ACTN4: variants seen among roughly 807,000 people sequenced by gnomAD.
The protein encoded by ACTN4 is alpha-actinin-4.
Under a neutral mutation model 114.2 loss-of-function variants are expected in ACTN4, and 18 were observed. That is an observed-to-expected ratio of 0.16 (90% CI 0.11 to 0.23). The LOEUF (loss-of-function observed/expected upper bound fraction) is 0.23. Among genes scored for constraint, ACTN4 ranks in the 10% least tolerant of loss-of-function variants. The probability of loss-of-function intolerance (pLI) is 1.00; values close to 1 mark genes in which losing one functional copy is unlikely to be tolerated. For synonymous variants in ACTN4, 515 were observed against 506.3 expected (o/e 1.02, Z -0.23); for missense variants, 722 against 1,262.9 (o/e 0.57, Z 6.49).
rs1428272245 is a variant in ACTN4 at position 38,651,970 on chromosome 19, G to A, written c.162+4063G>A. Among the ~76,000 whole-genome samples, 6 of 152,162 alleles carry A rather than the reference G, an allele frequency of 3.9e-5. No individual in the cohort carries two copies. The South Asian group carries it at 1.2e-3, about 32-fold the overall frequency. On this transcript the variant is annotated intron_variant, in intron 1 of 20. Coordinates refer to ENST00000252699, the MANE Select transcript of ACTN4 (RefSeq NM_004924.6). ...GCTGGTCTGAAACTCCTGACCCCAA[G>A]TGATCCGCCTGCCTCGGCCTCCCAA...
At chr19:38,673,663 AT>A (rs1218577475) in intron 1 of ACTN4, among the ~76,000 whole-genome samples, 1 of 14,882 alleles carries the variant, frequency 6.7e-5, no homozygotes, top group Non-Finnish European at 2.3e-4. Context: ...ATTTATATAT[AT>A]TATATATATT....
chr19:38,664,464 T>A (rs1966896317), intron 1 of ACTN4, among the ~76,000 whole-genome samples: 1 of 152,064 alleles, frequency 6.6e-6, no homozygotes, highest in African/African-American at 2.4e-5. Context: ...TTCTCCCCAC[T>A]TCAGATAACA....
chr19:38,711,377 C>T, intron 8 of ACTN4: 1 of 1,015,286 alleles, frequency 9.8e-7, no homozygotes. Context: ...CTGGGCCAGG[C>T]ACACCTCGCT....
intron 1 of ACTN4, among the ~76,000 whole-genome samples, chr19:38,652,128 GCTTGCCT>G (rs1398540782): frequency 6.6e-6 from 1 of 151,944 alleles, no homozygotes; most frequent in African/African-American, 2.4e-5. Context: ...TACTCTAATT[GCTTGCCT>G]CTTAGGATCT....
At chr19:38,720,745 C>G (rs1599851591) in intron 11 of ACTN4, among the ~76,000 whole-genome samples, 2 of 152,370 alleles carry the variant, frequency 1.3e-5, no homozygotes, top group African/African-American at 4.8e-5. Context: ...GGTGGCTGCA[C>G]TGGGCGGGCA....
At position 38,721,574 on chromosome 19, in the gene ACTN4, C is replaced by T. The variant is rs753850428; in HGVS notation, c.1328C>T (p.Thr443Met). Reference protein sequence around the residue: ...EAMLKHRDYETATLSDIKALI... With the variant: ...EAMLKHRDYEMATLSDIKALI... ...ATGCTGAAGCACCGGGACTACGAGA[C>T]GGCCACACTATCGGACATCAAAGCC... is the stretch of plus-strand genomic sequence containing the variant. Residue 443 changes from threonine to methionine, a missense_variant, in exon 12 of 21, where the codon ACG (threonine) becomes ATG (methionine). Thr to Met is a moderately conservative substitution (Grantham distance 81). Around this residue, in one of 3 missense-constraint regions of ACTN4, gnomAD observed 523 missense variants for 875.9 expected, o/e 0.60. Transcript: ENST00000252699. 1.2e-5 allele frequency: 19 copies of T among 1,613,968 alleles called. No individual in the cohort carries two copies. Among genetic ancestry groups the T allele is most frequent in the African/African-American group, 4.0e-5 (3 of 74,944 alleles).
chr19:38,725,305 G>C (rs1268588453), intron 16 of ACTN4, among the ~76,000 whole-genome samples: 2 of 152,154 alleles, frequency 1.3e-5, no homozygotes, highest in Non-Finnish European at 2.9e-5. Context: ...GGACTTGTGG[G>C]TGCCGAGACA....
At chr19:38,655,831 A>G (rs945440624) in intron 1 of ACTN4, among the ~76,000 whole-genome samples, 6 of 152,218 alleles carry the variant, frequency 3.9e-5, no homozygotes, top group Non-Finnish European at 8.8e-5. Flanking sequence ...CATTTTAACT[A>G]TGCACATCCT....
chr19:38,682,996 G>T (rs1039476501), intron 1 of ACTN4, among the ~76,000 whole-genome samples: 2 of 152,178 alleles, frequency 1.3e-5, no homozygotes, highest in Non-Finnish European at 2.9e-5. Flanking sequence ...TCTTCCACTA[G>T]ACTGTAAGTT....
rs149882768 is a variant in ACTN4, at chr19:38,651,876, C to T, written c.162+3969C>T. On this transcript the variant is annotated intron_variant, in intron 1 of 20. Coordinates refer to ENST00000252699, the MANE Select transcript of ACTN4 (RefSeq NM_004924.6). ...CCTCCTGAGTAGCTGGGACTACAGG[C>T]GTGTGCTACCGTGCCTGGCTAATTT... Among the ~76,000 whole-genome samples the T allele has an allele frequency of 2.1e-3, 314 of 152,110 alleles. 1 individual carries two copies. Among genetic ancestry groups the T allele is most frequent in the African/African-American group, 7.3e-3 (302 of 41,500 alleles).
At chr19:38,708,011 G>C in intron 5 of ACTN4, 106 bp from the exon 6 acceptor site, 1 of 1,169,424 alleles carries the variant, frequency 8.6e-7, no homozygotes. Flanking sequence ...GCACAGGCCA[G>C]ACTGCAGTGA....
intron 8 of ACTN4, among the ~76,000 whole-genome samples, chr19:38,713,552 C>T (rs1417860247): frequency 6.6e-6 from 1 of 152,216 alleles, no homozygotes; most frequent in East Asian, 1.9e-4. Flanking sequence ...GCGGGGTGTG[C>T]ACGTGCGTGT....
intron 1 of ACTN4, among the ~76,000 whole-genome samples, chr19:38,692,074 A>G (rs181064911): frequency 0.011 from 1,655 of 152,056 alleles, 26 homozygotes; most frequent in African/African-American, 0.038. Context: ...TACCCCACTC[A>G]GCAGTATTTA....
At chr19:38,684,350 C>G (rs1181794294) in intron 1 of ACTN4, among the ~76,000 whole-genome samples, 1 of 152,164 alleles carries the variant, frequency 6.6e-6, no homozygotes, top group Non-Finnish European at 1.5e-5. Flanking sequence ...GGTCCTCTTC[C>G]CATGGTGTAG....
Position 38,731,049 on chromosome 19 carries a change from G to A in ACTN4, c.*1617G>A, listed in dbSNP as rs1056767075. ...CTGTGCAGAGAGGGGCAGGGTGAGT[G>A]CCCACCAGTCCCCGTACCCCTTCCC... is the stretch of plus-strand genomic sequence containing the variant. On this transcript the variant is annotated 3_prime_UTR_variant, in exon 21 of 21. Coordinates refer to ENST00000252699, the MANE Select transcript of ACTN4 (RefSeq NM_004924.6). 5 of 1,558,394 alleles carry A rather than the reference G, an allele frequency of 3.2e-6. No homozygotes were observed. The highest frequency in any genetic ancestry group is 2.6e-6 in the Non-Finnish European group (3 of 1,152,164).
chr19:38,655,516 A>G (rs1976687814), intron 1 of ACTN4, among the ~76,000 whole-genome samples: 1 of 152,202 alleles, frequency 6.6e-6, no homozygotes, highest in Non-Finnish European at 1.5e-5. Flanking sequence ...CACTTGGGAA[A>G]AAAACTTGAT....
At chr19:38,671,796 A>T (rs1331708978) in intron 1 of ACTN4, among the ~76,000 whole-genome samples, 1 of 152,254 alleles carries the variant, frequency 6.6e-6, no homozygotes, top group African/African-American at 2.4e-5. Context: ...GGGAAAAGCC[A>T]GGAAGCTCGC....
At chr19:38,696,071 T>G (rs1248855859) in intron 1 of ACTN4, among the ~76,000 whole-genome samples, 1 of 152,114 alleles carries the variant, frequency 6.6e-6, no homozygotes, top group Non-Finnish European at 1.5e-5. Flanking sequence ...GTGACAGAAT[T>G]AGTAAGTGAC....
At chr19:38,700,487 C>G (rs1296280874) in intron 1 of ACTN4, 113 bp from the exon 2 acceptor site, 4 of 846,472 alleles carry the variant, frequency 4.7e-6, no homozygotes, top group Admixed American at 1.8e-5. Flanking sequence ...TCGGCGAGTG[C>G]TCCGTGGCAG....
Sources: allele counts gnomAD v4.1 joint callset (sites outside exome capture counted in the v4.1 genomes callset), GRCh38; gene constraint gnomAD v4.1.1; regional missense constraint gnomAD v4.1.1; transcripts MANE v1.5; gene names NCBI Gene and HGNC (gene_info 2026-07-23, HGNC 2026-07-21).